Variants in XKR3 observed in about 807,000 individuals in gnomAD.
XKR3 encodes XK-related protein 3.
In XKR3, 27 loss-of-function variants were observed where a neutral mutation model predicts 40.3. That is an observed-to-expected ratio of 0.67 (90% CI 0.49 to 0.92). The LOEUF (loss-of-function observed/expected upper bound fraction) is 0.92. Among genes scored for constraint, XKR3 ranks in the 40% least tolerant of loss-of-function variants. The probability of loss-of-function intolerance (pLI) is 0.00; values close to 1 mark genes in which losing one functional copy is unlikely to be tolerated. For missense variants in XKR3, 472 were observed against 537.6 expected (o/e 0.88, Z 1.21); for synonymous variants, 193 against 195.4 (o/e 0.99, Z 0.10).
chr22:16,798,781 T>G (rs2060153750), intron 3 of XKR3, among the ~76,000 whole-genome samples: 1 of 152,182 alleles, frequency 6.6e-6, no homozygotes, highest in South Asian at 2.1e-4. Flanking sequence ...GATTTATTAC[T>G]CATAAGCAGA....
Position 16,784,134 on chromosome 22 carries a change from G to A in XKR3, c.865C>T (p.His289Tyr), listed in dbSNP as rs1432904312. ...PWLEFWKSGA[H>Y]LPGNKENNSN... ...TTATTTTCTTTGTTGCCAGGAAGAT[G>A]AGCTCCACTTTTCCAAAACTCCAGC... The change falls in exon 4 of 4, where the codon CAT becomes TAT. Residue 289 changes from histidine to tyrosine, a missense_variant. By Grantham distance (83) the His-to-Tyr change is moderately conservative. Coordinates refer to ENST00000684488, the MANE Select transcript of XKR3 (RefSeq NM_001386955.1). The A allele has an allele frequency of 6.2e-7, 1 of 1,614,152 alleles. No individual in the cohort carries two copies. Among genetic ancestry groups the A allele is most frequent in the South Asian group, 1.1e-5 (1 of 91,086 alleles).
At chr22:16,793,738 C>T (rs1402728479) in intron 3 of XKR3, among the ~76,000 whole-genome samples, 1 of 152,160 alleles carries the variant, frequency 6.6e-6, no homozygotes, top group Non-Finnish European at 1.5e-5. Context: ...CGTTTTGGGT[C>T]TCTTTCAACA....
intron 3 of XKR3, among the ~76,000 whole-genome samples, chr22:16,785,377 G>A (rs375574225): frequency 7.5e-4 from 114 of 152,006 alleles, no homozygotes; most frequent in African/African-American, 2.7e-3. Flanking sequence ...ATGTATCCAT[G>A]CAACTTTATG....
chr22:16,816,886 C>T (rs978995173), intron 1 of XKR3, among the ~76,000 whole-genome samples: 4 of 151,738 alleles, frequency 2.6e-5, no homozygotes, highest in African/African-American at 9.7e-5. Flanking sequence ...TTTAAATAAA[C>T]AATAAATAGC....
intron 2 of XKR3, among the ~76,000 whole-genome samples, chr22:16,804,614 A>G (rs1052373786): frequency 1.3e-5 from 2 of 152,204 alleles, no homozygotes; most frequent in Non-Finnish European, 2.9e-5. Flanking sequence ...CAGACATTAT[A>G]AGACTTCAAA....
chr22:16,807,667 TC>T (rs2060195399), intron 2 of XKR3, 71 bp downstream of exon 2: 1 of 1,313,020 alleles, frequency 7.6e-7, no homozygotes, highest in Non-Finnish European at 1.0e-6. Context: ...GCATCCTTAA[TC>T]TTTTTAGCCA....
intron 2 of XKR3, 115 bp downstream of exon 2, chr22:16,807,624 G>A: frequency 1.0e-6 from 1 of 958,776 alleles, no homozygotes; most frequent in Non-Finnish European, 1.5e-6. Flanking sequence ...ATCTAAAGAG[G>A]GAAATATTTC....
intron 1 of XKR3, among the ~76,000 whole-genome samples, chr22:16,811,416 G>A (rs5992553): frequency 1.3e-3 from 197 of 152,202 alleles, no homozygotes; most frequent in African/African-American, 4.5e-3. Flanking sequence ...TGAGTCCACC[G>A]TGGCTGGCCT....
chr22:16,788,192 A>G (rs1232244581), intron 3 of XKR3, among the ~76,000 whole-genome samples: 5 of 152,170 alleles, frequency 3.3e-5, no homozygotes, highest in Non-Finnish European at 7.4e-5. Flanking sequence ...ACTCCTGAAC[A>G]ACCAGTGAGT....
intron 1 of XKR3, among the ~76,000 whole-genome samples, chr22:16,813,755 T>C (rs1376617847): frequency 6.6e-6 from 1 of 152,234 alleles, no homozygotes; most frequent in African/African-American, 2.4e-5. Flanking sequence ...CAGACTGTTT[T>C]CTAAAGAAGC....
rs5748658 is a variant in XKR3 at position 16,808,163 on chromosome 22, A to G, written c.-10-80T>C. 95 of 1,045,252 alleles carry G rather than the reference A, an allele frequency of 9.1e-5. No individual in the cohort carries two copies. In the East Asian group the frequency reaches 1.8e-3, roughly 20 times the overall value. 64.7% of individuals were successfully genotyped at this position (1,045,252 alleles called of 1,614,324 possible). ...TAAACAGAAGTAAACAAGATTCTCT[A>G]TAATTCACTATTCATAGAAAATGTT... On this transcript the variant is annotated intron_variant, in intron 1 of 3. Transcript: ENST00000684488.
chr22:16,790,343 A>AAG (rs1491431166), intron 3 of XKR3, among the ~76,000 whole-genome samples: 60 of 2,856 alleles, frequency 0.021, no homozygotes, highest in African/African-American at 0.14. Context: ...TTCCACGCAG[A>AAG]AAAAAAAAAA....
chr22:16,806,832 C>A (rs967365037), intron 2 of XKR3, among the ~76,000 whole-genome samples: 1 of 151,934 alleles, frequency 6.6e-6, no homozygotes, highest in African/African-American at 2.4e-5. Context: ...AAATGTAAAT[C>A]CATGATGCAA....
In XKR3 at chr22:16,783,562, TAAC is replaced by T. The variant is rs2060074903; in HGVS notation, c.*54_*56del. ...ATATTTTTTAAATTTAAGAGCCTCT[TAAC>T]AAGTCACATTCAGCATCTTTACTCA... On this transcript the variant is annotated 3_prime_UTR_variant, in exon 4 of 4. Coordinates refer to ENST00000684488, the MANE Select transcript of XKR3 (RefSeq NM_001386955.1). The T allele has an allele frequency of 7.2e-7, 1 of 1,383,552 alleles. No homozygotes were observed. Among genetic ancestry groups the T allele is most frequent in the African/African-American group, 1.4e-5 (1 of 69,386 alleles). 85.7% of individuals were successfully genotyped at this position (1,383,552 alleles called of 1,614,324 possible). A position where few individuals can be genotyped will look rare whatever the true frequency, so the allele number is the denominator to read the frequency against.
At chr22:16,798,139 C>G (rs1431439263) in intron 3 of XKR3, among the ~76,000 whole-genome samples, 1 of 146,630 alleles carries the variant, frequency 6.8e-6, no homozygotes, top group Non-Finnish European at 1.5e-5. Flanking sequence ...AAAATCATGC[C>G]AGGGCACTCC....
chr22:16,810,920 T>C (rs531290487), intron 1 of XKR3, among the ~76,000 whole-genome samples: 46 of 152,332 alleles, frequency 3.0e-4, no homozygotes, highest in African/African-American at 1.1e-3. Context: ...GTTTATATTA[T>C]GCACCTGCAT....
At chr22:16,821,454 G>C (rs1296573930) in intron 1 of XKR3, among the ~76,000 whole-genome samples, 1 of 152,034 alleles carries the variant, frequency 6.6e-6, no homozygotes, top group Non-Finnish European at 1.5e-5. Flanking sequence ...CCTGGAAACA[G>C]CTGCAACTTT....
At chr22:16,807,393 C>T (rs958275944) in intron 2 of XKR3, among the ~76,000 whole-genome samples, 2 of 152,202 alleles carry the variant, frequency 1.3e-5, no homozygotes, top group Non-Finnish European at 1.5e-5. Flanking sequence ...CTCACTCACT[C>T]TACTCTCATT....
At chr22:16,785,219 A>G (rs1301255351) in intron 3 of XKR3, among the ~76,000 whole-genome samples, 7 of 152,118 alleles carry the variant, frequency 4.6e-5, no homozygotes, top group Admixed American at 4.6e-4. Flanking sequence ...CGGGAGGCTG[A>G]GGAAGGAGAA....
Sources: allele counts gnomAD v4.1 joint callset (sites outside exome capture counted in the v4.1 genomes callset), GRCh38; gene constraint gnomAD v4.1.1; transcripts MANE v1.5; gene names NCBI Gene and HGNC (gene_info 2026-07-23, HGNC 2026-07-21).